ST3GAL1: variants seen among roughly 807,000 people sequenced by gnomAD.
ST3GAL1 encodes the protein CMP-N-acetylneuraminate-beta-galactosamide-alpha-2,3-sialyltransferase 1.
Under a neutral mutation model 34.1 loss-of-function variants are expected in ST3GAL1, and 16 were observed. That is an observed-to-expected ratio of 0.47 (90% CI 0.32 to 0.71). The LOEUF is 0.71. Ranked by LOEUF, ST3GAL1 falls within the 30% of genes least tolerant of loss-of-function variation. The pLI is 0.04. For synonymous variants in ST3GAL1, 191 were observed against 184.7 expected (o/e 1.03, Z -0.28); for missense variants, 353 against 447.4 (o/e 0.79, Z 1.90).
intron 3 of ST3GAL1, among the ~76,000 whole-genome samples, chr8:133,485,046 T>C (rs563570759): frequency 2.0e-5 from 3 of 152,220 alleles, no homozygotes; most frequent in Admixed American, 6.5e-5. Flanking sequence ...GAGAGTTGCA[T>C]CAATCCTGCC....
intron 6 of ST3GAL1, 65 bp downstream of exon 6, chr8:133,465,829 T>C (rs1815708387): frequency 3.9e-6 from 6 of 1,540,680 alleles, no homozygotes; most frequent in Non-Finnish European, 5.3e-6. Context: ...GCCAAGATGC[T>C]TCCTACAGCT....
chr8:133,560,712 T>C (rs980463215), intron 1 of ST3GAL1, among the ~76,000 whole-genome samples: 6 of 152,196 alleles, frequency 3.9e-5, no homozygotes, highest in African/African-American at 1.4e-4. Flanking sequence ...TAGCCAGGGA[T>C]ATAGGATGAC....
chr8:133,537,450 G>A (rs555720221), intron 2 of ST3GAL1, among the ~76,000 whole-genome samples: 6 of 152,194 alleles, frequency 3.9e-5, no homozygotes, highest in African/African-American at 1.4e-4. Flanking sequence ...GAAGGCAGGA[G>A]AAAGTTGGAG....
intron 3 of ST3GAL1, among the ~76,000 whole-genome samples, chr8:133,493,382 A>G (rs1029385405): frequency 7.2e-5 from 11 of 152,224 alleles, no homozygotes; most frequent in Non-Finnish European, 1.6e-4. Flanking sequence ...TGTGCCCAGC[A>G]CTGGCTAGAG....
chr8:133,490,436 T>C (rs1463461324), intron 3 of ST3GAL1, among the ~76,000 whole-genome samples: 1 of 152,220 alleles, frequency 6.6e-6, no homozygotes, highest in East Asian at 1.9e-4. Context: ...CCCAGGGCAG[T>C]TCACACGCAT....
intron 5 of ST3GAL1, among the ~76,000 whole-genome samples, chr8:133,473,261 C>T (rs1258788611): frequency 1.3e-5 from 2 of 152,200 alleles, no homozygotes; most frequent in East Asian, 3.8e-4. Flanking sequence ...GTGATACTCT[C>T]TAATAACAGT....
chr8:133,557,089 T>C (rs1285615700), intron 1 of ST3GAL1, among the ~76,000 whole-genome samples: 2 of 152,160 alleles, frequency 1.3e-5, no homozygotes, highest in Non-Finnish European at 2.9e-5. Flanking sequence ...TGTAAAACAC[T>C]GATAGCACTA....
chr8:133,460,912 C>A (rs74381719), intron 9 of ST3GAL1, among the ~76,000 whole-genome samples: 2 of 152,008 alleles, frequency 1.3e-5, no homozygotes, highest in Non-Finnish European at 2.9e-5. Flanking sequence ...AAAGAGGGGA[C>A]GGGGACAGCA....
chr8:133,492,428 T>C (rs993374272), intron 3 of ST3GAL1, among the ~76,000 whole-genome samples: 7 of 152,044 alleles, frequency 4.6e-5, no homozygotes, highest in Non-Finnish European at 5.9e-5. Flanking sequence ...TCTTTCAAAG[T>C]GAAGAAATGG....
intron 2 of ST3GAL1, among the ~76,000 whole-genome samples, chr8:133,524,583 G>A (rs1020731233): frequency 5.9e-5 from 9 of 152,242 alleles, no homozygotes; most frequent in African/African-American, 2.2e-4. Flanking sequence ...ACCTGCTAAG[G>A]GCAAGCCAGG....
At chr8:133,533,044 A>G (rs1327540346) in intron 2 of ST3GAL1, among the ~76,000 whole-genome samples, 1 of 152,182 alleles carries the variant, frequency 6.6e-6, no homozygotes, top group East Asian at 1.9e-4. Flanking sequence ...CGTTTCCTTC[A>G]GAGGAATTAC....
chr8:133,565,161 G>GCC (rs386414060), intron 1 of ST3GAL1, among the ~76,000 whole-genome samples: 1 of 145,662 alleles, frequency 6.9e-6, no homozygotes, highest in African/African-American at 2.7e-5. Context: ...CTGTGTGTGT[G>GCC]TGTGTGTGTG....
intron 2 of ST3GAL1, among the ~76,000 whole-genome samples, chr8:133,540,952 T>TAGACATATATATAGACATATATATGC (rs1266557097): frequency 1.3e-4 from 16 of 121,992 alleles, no homozygotes; most frequent in East Asian, 9.2e-4. Context: ...GACATATATA[T>TAGACATATATATAGACATATATATGC]AGACATATAT....
In ST3GAL1 at chr8:133,488,867, C is replaced by CG. The variant is rs765701319; in HGVS notation, c.-374+10267_-374+10268insC. On this transcript the variant is annotated intron_variant, in intron 3 of 9. Transcript: ENST00000522652. ...GGAAGACTGCAGCGGCACTGGCAGACAGGGGGGGCCAGGCAAGGTCTGGTG... is the reference window on the plus strand; with the variant it reads ...GGAAGACTGCAGCGGCACTGGCAGACGAGGGGGGGCCAGGCAAGGTCTGGTG... Among the ~76,000 whole-genome samples the CG allele has an allele frequency of 5.5e-3, 614 of 111,648 alleles. 4 individuals are homozygous for CG. Among genetic ancestry groups the CG allele is most frequent in the Admixed American group, 9.4e-3 (95 of 10,066 alleles). 73.2% of individuals were successfully genotyped at this position (111,648 alleles called of 152,430 possible). A position where few individuals can be genotyped will look rare whatever the true frequency, so the allele number is the denominator to read the frequency against.
At chr8:133,472,492 C>T (rs1421599815) in intron 5 of ST3GAL1, among the ~76,000 whole-genome samples, 2 of 152,200 alleles carry the variant, frequency 1.3e-5, no homozygotes, top group African/African-American at 4.8e-5. Flanking sequence ...TGACCCAAGT[C>T]CAGTTCCATT....
intron 1 of ST3GAL1, among the ~76,000 whole-genome samples, chr8:133,566,592 C>T (rs1465496851): frequency 6.6e-6 from 1 of 152,162 alleles, no homozygotes; most frequent in Non-Finnish European, 1.5e-5. Context: ...AATGCAGGGA[C>T]TTGCTCCAGC....
Position 133,491,736 on chromosome 8 carries a change from C to T in ST3GAL1, c.-374+7399G>A, listed in dbSNP as rs546733901. On this transcript the variant is annotated intron_variant, in intron 3 of 9. Transcript: ENST00000522652. ...AGGCATGCAGCACCCTCCAGGGTTC[C>T]GGGATGGGTGGGAGCGTCAGGCGAC... Among the ~76,000 whole-genome samples, 8 of 152,232 alleles carry T rather than the reference C, an allele frequency of 5.3e-5. No individual in the cohort carries two copies. In the South Asian group the frequency reaches 6.2e-4, roughly 12 times the overall value.
chr8:133,495,582 C>T (rs572624973), intron 3 of ST3GAL1, among the ~76,000 whole-genome samples: 1 of 152,170 alleles, frequency 6.6e-6, no homozygotes, highest in Non-Finnish European at 1.5e-5. Context: ...GCTGGGTAGA[C>T]AAAGAATGCA....
At chr8:133,520,773 GT>G (rs34241731) in intron 2 of ST3GAL1, among the ~76,000 whole-genome samples, 33,482 of 130,476 alleles carry the variant, frequency 0.26, 3,321 homozygotes, top group African/African-American at 0.33. Context: ...TTTTTTGTGG[GT>G]TTTTTTTTTT....
Sources: allele counts gnomAD v4.1 joint callset (sites outside exome capture counted in the v4.1 genomes callset), GRCh38; gene constraint gnomAD v4.1.1; transcripts MANE v1.5; gene names NCBI Gene and HGNC (gene_info 2026-07-23, HGNC 2026-07-21).